Variants in DOCK10 observed in about 807,000 individuals in gnomAD.
DOCK10 encodes the protein dedicator of cytokinesis 10.
Under a neutral mutation model 280.1 loss-of-function variants are expected in DOCK10, and 145 were observed. That is an observed-to-expected ratio of 0.52 (90% CI 0.45 to 0.59). The LOEUF (loss-of-function observed/expected upper bound fraction) is 0.59, where lower values mean the gene tolerates loss of function less well. Among genes scored for constraint, DOCK10 ranks in the 20% least tolerant of loss-of-function variants. The pLI, the probability that DOCK10 is intolerant of heterozygous loss-of-function variation, is 0.00. For missense variants in DOCK10, 2,368 were observed against 2,651.7 expected (o/e 0.89, Z 2.35); for synonymous variants, 915 against 942.2 (o/e 0.97, Z 0.53).
chr2:224,835,439 G>A (rs984655959), intron 25 of DOCK10, among the ~76,000 whole-genome samples: 10 of 152,374 alleles, frequency 6.6e-5, no homozygotes, highest in Admixed American at 4.6e-4. Context: ...CACGGTGTAT[G>A]TGTGCATTTT....
intron 11 of DOCK10, among the ~76,000 whole-genome samples, chr2:224,867,142 T>C (rs1422506314): frequency 6.6e-6 from 1 of 152,134 alleles, no homozygotes; most frequent in Non-Finnish European, 1.5e-5. Context: ...TATGAATACT[T>C]ATTAAAAACC....
At chr2:225,031,909 A>G (rs1364179253) in intron 1 of DOCK10, among the ~76,000 whole-genome samples, 1 of 152,190 alleles carries the variant, frequency 6.6e-6, no homozygotes, top group Non-Finnish European at 1.5e-5. Context: ...GTCTTTTGCC[A>G]GTCTCCATTC....
intron 1 of DOCK10, among the ~76,000 whole-genome samples, chr2:224,939,257 C>T (rs1702873936): frequency 6.6e-6 from 1 of 152,178 alleles, no homozygotes; most frequent in Non-Finnish European, 1.5e-5. Context: ...TCAGAATTTT[C>T]TATTTTGTTA....
intron 2 of DOCK10, among the ~76,000 whole-genome samples, chr2:224,930,894 G>T (rs971605824): frequency 1.3e-5 from 2 of 152,208 alleles, no homozygotes; most frequent in African/African-American, 4.8e-5. Flanking sequence ...CAAGGTAACA[G>T]TATTTTATGT....
Position 224,832,415 on chromosome 2 carries a change from G to A in DOCK10, c.2964+1735C>T, listed in dbSNP as rs186744844. Among the ~76,000 whole-genome samples, 6 of 152,246 alleles carry A rather than the reference G, an allele frequency of 3.9e-5. No homozygotes were observed. The East Asian group carries it at 9.6e-4, about 24-fold the overall frequency. On this transcript the variant is annotated intron_variant, in intron 26 of 55. Transcript: ENST00000258390. ...TACTTATCTGCTCTACTGTCAATGGGCATTTGGATTATATCCTGTTTTAAG... is the reference window on the plus strand; with the variant it reads ...TACTTATCTGCTCTACTGTCAATGGACATTTGGATTATATCCTGTTTTAAG...
intron 2 of DOCK10, among the ~76,000 whole-genome samples, chr2:224,922,717 G>A (rs1575064516): frequency 6.6e-6 from 1 of 152,120 alleles, no homozygotes; most frequent in Admixed American, 6.6e-5. Context: ...AGCACATCAG[G>A]ACTATCTCTC....
At chr2:224,990,027 G>T (rs1706084244) in intron 1 of DOCK10, among the ~76,000 whole-genome samples, 1 of 152,138 alleles carries the variant, frequency 6.6e-6, no homozygotes, top group Non-Finnish European at 1.5e-5. Flanking sequence ...TTGGAAAAAA[G>T]CACACTGTTC....
At chr2:225,031,673 G>A (rs955133515) in intron 1 of DOCK10, among the ~76,000 whole-genome samples, 1 of 152,188 alleles carries the variant, frequency 6.6e-6, no homozygotes, top group East Asian at 1.9e-4. Context: ...TTCTGCTCAT[G>A]TATGTTCTGC....
rs190643937 is a variant in DOCK10, at chr2:224,913,769, C to T, written c.333+2926G>A. 5.0e-3 allele frequency among the ~76,000 whole-genome samples: 762 copies of T among 151,782 alleles called. 4 individuals carry two copies. The highest frequency in any genetic ancestry group is 0.017 in the African/African-American group (709 of 41,330). On this transcript the variant is annotated intron_variant, in intron 3 of 55. Coordinates refer to ENST00000258390, the MANE Select transcript of DOCK10 (RefSeq NM_014689.3). ...TTGAGACAGAGTCTCCCTCTGTTGC[C>T]CAGGCTGGAGTGCAGTGGCACAATC...
rs1471317203 is a variant in DOCK10 at position 224,844,658 on chromosome 2, T to TA, written c.2568+94_2568+95insT. On this transcript the variant is annotated intron_variant, in intron 22 of 55. Transcript: ENST00000258390. ...TTCAAACACCTGCCTTTCTGACACT[T>TA]CATGAAATGATTAGTCTCATCCTGT... 221 of 822,582 alleles carry TA rather than the reference T, an allele frequency of 2.7e-4. 3 individuals are homozygous for TA. The South Asian group carries it at 3.1e-3, about 12-fold the overall frequency. The allele number at this position is 822,582 out of a possible 1,614,324, so 51.0% of individuals were successfully genotyped here.
At chr2:224,901,523 T>C (rs1399077949) in intron 3 of DOCK10, among the ~76,000 whole-genome samples, 1 of 152,220 alleles carries the variant, frequency 6.6e-6, no homozygotes, top group Admixed American at 6.5e-5. Context: ...CCTGTATGTG[T>C]TTAGACACCA....
intron 1 of DOCK10, among the ~76,000 whole-genome samples, chr2:225,034,077 CTTT>C (rs1311749896): frequency 6.6e-6 from 1 of 152,228 alleles, no homozygotes; most frequent in East Asian, 1.9e-4. Flanking sequence ...CACAGCTCTT[CTTT>C]TGTCAAGAAA....
At chr2:224,912,350 G>A (rs1351593786) in intron 3 of DOCK10, among the ~76,000 whole-genome samples, 1 of 151,942 alleles carries the variant, frequency 6.6e-6, no homozygotes, top group Non-Finnish European at 1.5e-5. Context: ...GGTCAGGCTG[G>A]TCTCAAACTC....
At position 224,865,062 on chromosome 2, in the gene DOCK10, G is replaced by C; in HGVS notation, c.1283C>G (p.Ala428Gly). ...TNIEPFFVSV[A>G]LYDLRDSRKI... ...CCTGCTGTCTCTGAGGTCATAAAGT[G>C]CCACACTCACAAAAAAAGGCTCAAT... Residue 428 changes from alanine to glycine, a missense_variant, in exon 12 of 56, where the codon GCA (alanine) becomes GGA (glycine). Ala to Gly is a moderately conservative substitution (Grantham distance 60). Around this residue, in one of 2 missense-constraint regions of DOCK10, gnomAD observed 1,209 missense variants for 1,250.9 expected, o/e 0.97. Coordinates refer to ENST00000258390, the MANE Select transcript of DOCK10 (RefSeq NM_014689.3). 1 of 1,613,674 alleles carries C rather than the reference G, an allele frequency of 6.2e-7. No individual in the cohort carries two copies.
At chr2:224,920,680 AT>A (rs1400916968) in intron 2 of DOCK10, among the ~76,000 whole-genome samples, 2 of 151,954 alleles carry the variant, frequency 1.3e-5, no homozygotes, top group Non-Finnish European at 2.9e-5. Flanking sequence ...AAAATTCTAT[AT>A]TATGGCCATT....
intron 1 of DOCK10, among the ~76,000 whole-genome samples, chr2:224,986,998 G>C (rs1424369982): frequency 1.3e-5 from 2 of 152,134 alleles, no homozygotes; most frequent in Non-Finnish European, 1.5e-5. Flanking sequence ...AGTCACCTTT[G>C]AAGTATCTTT....
chr2:224,795,973 G>A lies in DOCK10; in HGVS notation c.4938+343C>T, dbSNP rs987971682. ...GCTTAAAGTGTAAGAGCTGCTTAAC[G>A]ATTCAAACAATAAACTTGATAGTTT... On this transcript the variant is annotated intron_variant, in intron 44 of 55. Coordinates refer to ENST00000258390, the MANE Select transcript of DOCK10 (RefSeq NM_014689.3). Among the ~76,000 whole-genome samples the A allele has an allele frequency of 4.6e-5, 7 of 152,136 alleles. No homozygotes were observed. The East Asian group carries it at 9.6e-4, about 21-fold the overall frequency.
intron 1 of DOCK10, among the ~76,000 whole-genome samples, chr2:225,024,479 C>T (rs1009453312): frequency 6.6e-6 from 1 of 152,080 alleles, no homozygotes; most frequent in Admixed American, 6.5e-5. Context: ...AAAATGTTAA[C>T]ATTTGGGGGA....
chr2:224,796,897 C>A, intron 43 of DOCK10, 67 bp downstream of exon 43: 2 of 1,463,734 alleles, frequency 1.4e-6, no homozygotes, highest in East Asian at 2.3e-5. Context: ...GGACAGTAGG[C>A]TTTAAGCACT....
Sources: gnomAD v4.1 joint callset for allele counts (sites outside exome capture counted in the v4.1 genomes callset) on GRCh38, gnomAD v4.1.1 for gene constraint, gnomAD v4.1.1 regional missense constraint, MANE v1.5 for transcripts, NCBI Gene and HGNC (gene_info 2026-07-23, HGNC 2026-07-21) for gene names.